NEDD9: variants seen among roughly 807,000 people sequenced by gnomAD.
The protein encoded by NEDD9 is enhancer of filamentation 1.
In NEDD9, 26 loss-of-function variants were observed where a neutral mutation model predicts 76.6. The observed-to-expected ratio is 0.34, with a 90% CI of 0.25 to 0.47. The LOEUF (loss-of-function observed/expected upper bound fraction) is 0.47. Ranked by LOEUF, NEDD9 falls within the 20% of genes least tolerant of loss-of-function variation. The pLI is 1.00. For synonymous variants in NEDD9, 392 were observed against 414.2 expected, an observed-to-expected ratio of 0.95 and a Z score of 0.65; for missense variants, 937 against 1,058.5, an observed-to-expected ratio of 0.89 and a Z score of 1.59.
intron 2 of NEDD9, among the ~76,000 whole-genome samples, chr6:11,312,894 G>A (rs2113444325): frequency 6.6e-6 from 1 of 152,080 alleles, no homozygotes; most frequent in East Asian, 1.9e-4. Flanking sequence ...GTTTTTAAAA[G>A]AAAATCCCTA....
chr6:11,314,617 C>A (rs1761490268), intron 2 of NEDD9, among the ~76,000 whole-genome samples: 1 of 152,178 alleles, frequency 6.6e-6, no homozygotes, highest in Non-Finnish European at 1.5e-5. Flanking sequence ...GGCTTGTGGA[C>A]CATCCAGTCT....
intron 2 of NEDD9, among the ~76,000 whole-genome samples, chr6:11,196,172 T>C (rs1027347629): frequency 4.0e-5 from 6 of 150,930 alleles, no homozygotes; most frequent in Non-Finnish European, 7.4e-5. Flanking sequence ...GGTGTGGTGG[T>C]GGGCGCCTGT....
At chr6:11,274,886 G>T (rs559218738) in intron 3 of NEDD9, among the ~76,000 whole-genome samples, 1 of 152,168 alleles carries the variant, frequency 6.6e-6, no homozygotes, top group South Asian at 2.1e-4. Context: ...CACACTTCTA[G>T]GTACAAATCT....
At chr6:11,307,070 A>C (rs1761205882) in intron 2 of NEDD9, among the ~76,000 whole-genome samples, 1 of 152,210 alleles carries the variant, frequency 6.6e-6, no homozygotes, top group Non-Finnish European at 1.5e-5. Flanking sequence ...AATCTTTGTA[A>C]AAGGACAGTG....
rs1050775 is a variant in NEDD9 at position 11,185,300 on chromosome 6, G to A, written c.2367C>T (p.Thr789=). 856,712 of 1,613,764 alleles carry A rather than the reference G, an allele frequency of 0.53. 230,722 individuals are homozygous for A. Among genetic ancestry groups the A allele is most frequent in the African/African-American group, 0.63 (47,217 of 74,896 alleles). Residue 789 remains threonine, a synonymous_variant, in exon 7 of 7, where the codon ACC becomes ACT. Coordinates refer to ENST00000379446, the MANE Select transcript of NEDD9 (RefSeq NM_006403.4). ...CGGCCATCTTGGTTGCCATGACTAT[G>A]GTCTTGAGCTGCTCGCAGAGCTGGT... The part of the protein sequence containing the change: ...SSNQLCEQLK[T]IVMATKMAAL...
intron 1 of NEDD9, among the ~76,000 whole-genome samples, chr6:11,219,391 G>A (rs1759075690): frequency 6.6e-6 from 1 of 152,176 alleles, no homozygotes; most frequent in African/African-American, 2.4e-5. Context: ...CATCATCAAT[G>A]GCCCGGCTTC....
intron 2 of NEDD9, among the ~76,000 whole-genome samples, chr6:11,306,579 T>C (rs541678766): frequency 2.6e-5 from 4 of 152,294 alleles, no homozygotes; most frequent in South Asian, 2.1e-4. Context: ...GCCTATAACC[T>C]ACAGTTTTAG....
chr6:11,232,753 C>T, upstream of NEDD9: 2 of 1,380,934 alleles, frequency 1.4e-6, no homozygotes, highest in Non-Finnish European at 1.9e-6. Context: ...CAAGGTAATG[C>T]TCAGGCCCTG....
chr6:11,192,430 G>C lies in NEDD9; in HGVS notation c.578C>G (p.Pro193Arg), dbSNP rs1255245277. 7.5e-6 allele frequency: 12 copies of C among 1,610,588 alleles called. No homozygotes were observed. Among genetic ancestry groups the C allele is most frequent in the Non-Finnish European group, 1.0e-5 (12 of 1,178,806 alleles). The change falls in exon 4 of 7, where the codon CCC (proline) becomes CGC (arginine). Residue 193 changes from proline (P) to arginine (R), a missense_variant. Pro to Arg is a moderately radical substitution (Grantham distance 103). Transcript: ENST00000379446. ...HTTQGVYDIPPSSAKGPVFSV... is the reference protein window; with the variant it reads ...HTTQGVYDIPRSSAKGPVFSV... ...AAACACAGGGCCTTTTGCTGATGAG[G>C]GAGGGATGTCGTATACCTGAAGAGA...
intron 3 of NEDD9, among the ~76,000 whole-genome samples, chr6:11,275,082 T>A (rs906749541): frequency 2.0e-5 from 3 of 152,236 alleles, no homozygotes; most frequent in Non-Finnish European, 2.9e-5. Context: ...AAAGGCCATC[T>A]TGGCATTTGT....
intron 1 of NEDD9, among the ~76,000 whole-genome samples, chr6:11,350,090 A>G (rs753156860): frequency 6.6e-6 from 1 of 152,226 alleles, no homozygotes; most frequent in African/African-American, 2.4e-5. Flanking sequence ...GATCTAATAC[A>G]CAATAAACTA....
chr6:11,213,276 C>G lies in NEDD9; in HGVS notation c.459+5G>C, dbSNP rs1157927330. The G allele has an allele frequency of 6.3e-7, 1 of 1,582,540 alleles. No individual in the cohort carries two copies. On this transcript the variant is annotated splice_donor_5th_base_variant and intron_variant, in intron 2 of 6. Coordinates refer to ENST00000379446, the MANE Select transcript of NEDD9 (RefSeq NM_006403.4). The surrounding 1 kb of genome is among the most constrained non-coding windows in gnomAD (Gnocchi z 5.4). ...GAACAAAAATTTAGTTAGTCATTTA[C>G]TCACCTTTTTACCCACGTGGGGCCC... is the stretch of plus-strand genomic sequence containing the variant.
chr6:11,227,036 A>T lies in NEDD9; in HGVS notation c.12+5468T>A, dbSNP rs369084390. On this transcript the variant is annotated intron_variant, in intron 1 of 6. Coordinates refer to ENST00000379446, the MANE Select transcript of NEDD9 (RefSeq NM_006403.4). ...CCATATAGTATTAAGATCCTCTTAA[A>T]TGGCTATTTGTGTATACATTTTGTC... Among the ~76,000 whole-genome samples, 117 of 152,326 alleles carry T rather than the reference A, an allele frequency of 7.7e-4. 2 individuals carry two copies. The highest frequency in any genetic ancestry group is 2.8e-3 in the African/African-American group (115 of 41,566).
At chr6:11,369,901 C>A (rs2113567711) in intron 1 of NEDD9, among the ~76,000 whole-genome samples, 1 of 152,342 alleles carries the variant, frequency 6.6e-6, no homozygotes, top group South Asian at 2.1e-4. Context: ...CAATATCATG[C>A]TCAACTGCAT....
chr6:11,348,421 A>G (rs1004412606), intron 1 of NEDD9, among the ~76,000 whole-genome samples: 2 of 152,228 alleles, frequency 1.3e-5, no homozygotes. Flanking sequence ...ACAGAATTAG[A>G]AAAAACTATT....
At chr6:11,245,647 C>T (rs1759792535) in intron 3 of NEDD9, among the ~76,000 whole-genome samples, 1 of 150,626 alleles carries the variant, frequency 6.6e-6, no homozygotes. Context: ...GGAAAAAAAT[C>T]ACACCGTAAA....
At chr6:11,194,113 C>G (rs1204184281) in intron 2 of NEDD9, among the ~76,000 whole-genome samples, 3 of 152,052 alleles carry the variant, frequency 2.0e-5, no homozygotes, top group Non-Finnish European at 4.4e-5. Context: ...ACCTCAGCCC[C>G]CAAAAGTGCA....
intron 3 of NEDD9, among the ~76,000 whole-genome samples, chr6:11,279,796 G>A (rs187414206): frequency 1.3e-5 from 2 of 152,106 alleles, no homozygotes; most frequent in East Asian, 1.9e-4. Flanking sequence ...CCCGCTCCCC[G>A]CACCCCTGAA....
chr6:11,200,364 A>G, intron 2 of NEDD9: 1 of 573,628 alleles, frequency 1.7e-6, no homozygotes, highest in Non-Finnish European at 2.9e-6. Context: ...AAGGAAACAA[A>G]ATTCTCTCTG....
Sources: gnomAD v4.1 joint callset for allele counts (sites outside exome capture counted in the v4.1 genomes callset) on GRCh38, gnomAD v4.1.1 for gene constraint, Gnocchi (gnomAD v3.1) non-coding constraint, MANE v1.5 for transcripts, NCBI Gene and HGNC (gene_info 2026-07-23, HGNC 2026-07-21) for gene names.